WIPF2: variants seen among roughly 807,000 people sequenced by gnomAD.
The protein encoded by WIPF2 is WAS/WASL-interacting protein family member 2.
WIPF2 carries 23 observed loss-of-function variants against 38.8 expected under a neutral mutation model. The observed-to-expected ratio is 0.59, with a 90% CI of 0.43 to 0.84. WIPF2 has a LOEUF of 0.84. WIPF2 is among the 40% of genes least tolerant of loss of function. WIPF2 has a pLI of 0.00. For missense variants in WIPF2, 574 were observed against 580.5 expected (o/e 0.99, Z 0.11); for synonymous variants, 210 against 223.2 (o/e 0.94, Z 0.53).
Position 40,219,394 on chromosome 17 carries a change from G to GCGGCGGCGT in WIPF2, c.-163_-162insGCGTCGGCG. ...GGCGGCGGCGGCGGCGGCGGCGGCG[G>GCGGCGGCGT]CGGCGACGGCGAGAAAGAGCTTGCC... On this transcript the variant is annotated 5_prime_UTR_variant, in exon 1 of 8. Coordinates refer to ENST00000323571, the MANE Select transcript of WIPF2 (RefSeq NM_133264.5). 1 of 416,538 alleles carries GCGGCGGCGT rather than the reference G, an allele frequency of 2.4e-6. No individual in the cohort carries two copies. The highest frequency in any genetic ancestry group is 4.6e-6 in the Non-Finnish European group (1 of 219,738). The allele number at this position is 416,538 out of a possible 1,614,324, so 25.8% of individuals were successfully genotyped here.
chr17:40,258,779 T>TATTA (rs558951574), intron 2 of WIPF2, among the ~76,000 whole-genome samples: 7 of 151,582 alleles, frequency 4.6e-5, no homozygotes, highest in East Asian at 3.9e-4. Flanking sequence ...ACTGATTTGG[T>TATTA]ATTAATTAAT....
chr17:40,276,684 G>A (rs907066134), intron 6 of WIPF2, among the ~76,000 whole-genome samples: 4 of 151,972 alleles, frequency 2.6e-5, no homozygotes, highest in African/African-American at 9.7e-5. Flanking sequence ...GAGGCCAGGT[G>A]GGGAGATTGC....
At chr17:40,261,343 G>C (rs1366409515) in intron 3 of WIPF2, among the ~76,000 whole-genome samples, 1 of 151,982 alleles carries the variant, frequency 6.6e-6, no homozygotes, top group African/African-American at 2.4e-5. Context: ...GCCCAGGCTG[G>C]AGTGCAGTGG....
At chr17:40,233,235 C>T (rs2030823108) in intron 1 of WIPF2, among the ~76,000 whole-genome samples, 1 of 151,942 alleles carries the variant, frequency 6.6e-6, no homozygotes, top group Non-Finnish European at 1.5e-5. Flanking sequence ...CAACGTTGAC[C>T]TTATATTTTG....
chr17:40,255,946 G>T (rs1004419603), intron 1 of WIPF2, among the ~76,000 whole-genome samples: 8 of 151,892 alleles, frequency 5.3e-5, no homozygotes, highest in African/African-American at 1.9e-4. Flanking sequence ...TTTTAAATTA[G>T]CTGGGCGTAA....
At chr17:40,236,230 A>G (rs1220535468) in intron 1 of WIPF2, among the ~76,000 whole-genome samples, 2 of 152,070 alleles carry the variant, frequency 1.3e-5, no homozygotes, top group Non-Finnish European at 2.9e-5. Flanking sequence ...CAGCCTCCCA[A>G]AGTGCTGGGA....
Position 40,273,901 on chromosome 17 carries a change from C to G in WIPF2, c.1082C>G (p.Pro361Arg). 6.3e-7 allele frequency: 1 copy of G among 1,589,970 alleles called. No individual in the cohort carries two copies. Among genetic ancestry groups the G allele is most frequent in the Non-Finnish European group, 8.6e-7 (1 of 1,166,940 alleles). ...CCCCCGAGCCGAGGAAAGCCCCCACCTCCACCCTCAAGGACGCCAGCTGGG... is the reference window on the plus strand; with the variant it reads ...CCCCCGAGCCGAGGAAAGCCCCCACGTCCACCCTCAAGGACGCCAGCTGGG... Reference protein sequence around the residue: ...SEPPSRGKPPPPPSRTPAGPP... With the variant: ...SEPPSRGKPPRPPSRTPAGPP... Residue 361 changes from proline to arginine, a missense_variant, in exon 6 of 8, where the codon CCT (proline) becomes CGT (arginine). Pro to Arg is a moderately radical substitution (Grantham distance 103). Coordinates refer to ENST00000323571, the MANE Select transcript of WIPF2 (RefSeq NM_133264.5).
intron 1 of WIPF2, among the ~76,000 whole-genome samples, chr17:40,223,089 G>C (rs556580266): frequency 3.9e-5 from 6 of 151,968 alleles, no homozygotes; most frequent in Non-Finnish European, 2.9e-5. Flanking sequence ...GGAAGGTGGA[G>C]ATGAATGAAG....
chr17:40,260,889 A>G, intron 3 of WIPF2: 2 of 593,092 alleles, frequency 3.4e-6, no homozygotes, highest in South Asian at 3.5e-5. Flanking sequence ...ATGGTGGCTC[A>G]TGCCTGTAAG....
intron 1 of WIPF2, among the ~76,000 whole-genome samples, chr17:40,222,389 G>A (rs1326188151): frequency 9.9e-5 from 15 of 151,354 alleles, no homozygotes; most frequent in Non-Finnish European, 1.6e-4. Context: ...TGGGCGCGCT[G>A]GCTCATGCCT....
intron 1 of WIPF2, among the ~76,000 whole-genome samples, chr17:40,243,225 C>A (rs372774947): frequency 1.3e-5 from 2 of 152,124 alleles, no homozygotes; most frequent in African/African-American, 4.8e-5. Context: ...TAATCTGGGG[C>A]TGGTCTGATG....
At chr17:40,250,757 G>C (rs924060090) in intron 1 of WIPF2, among the ~76,000 whole-genome samples, 1 of 151,736 alleles carries the variant, frequency 6.6e-6, no homozygotes, top group Non-Finnish European at 1.5e-5. Flanking sequence ...TTTAATCTCA[G>C]GTTTAACCTC....
intron 1 of WIPF2, among the ~76,000 whole-genome samples, chr17:40,255,145 A>T (rs572149167): frequency 6.6e-6 from 1 of 152,234 alleles, no homozygotes; most frequent in East Asian, 1.9e-4. Context: ...GTTATCCAGA[A>T]TATACAAAGA....
At chr17:40,243,359 G>T (rs1437628285) in intron 1 of WIPF2, among the ~76,000 whole-genome samples, 3 of 152,118 alleles carry the variant, frequency 2.0e-5, no homozygotes, top group Non-Finnish European at 4.4e-5. Flanking sequence ...CATTAGTGGG[G>T]AAAGCTGCGT....
intron 5 of WIPF2, among the ~76,000 whole-genome samples, chr17:40,266,345 T>C (rs1172202256): frequency 6.6e-6 from 1 of 150,710 alleles, no homozygotes; most frequent in South Asian, 2.1e-4. Context: ...CTAGTGAGGA[T>C]GGAAGGAGAA....
intron 1 of WIPF2, among the ~76,000 whole-genome samples, chr17:40,234,299 C>A (rs545192049): frequency 6.6e-6 from 1 of 151,546 alleles, no homozygotes; most frequent in African/African-American, 2.4e-5. Flanking sequence ...TCGGGAGGCG[C>A]ATGCCTGTAG....
At chr17:40,271,057 C>G (rs771512020) in intron 5 of WIPF2, among the ~76,000 whole-genome samples, 2 of 152,164 alleles carry the variant, frequency 1.3e-5, no homozygotes, top group African/African-American at 2.4e-5. Context: ...ATTGCAGCCT[C>G]CATCTCCCAG....
At chr17:40,233,317 G>T (rs1053316402) in intron 1 of WIPF2, among the ~76,000 whole-genome samples, 2 of 151,760 alleles carry the variant, frequency 1.3e-5, no homozygotes, top group Non-Finnish European at 2.9e-5. Flanking sequence ...TTTGGTAATT[G>T]TTTTTTGTCA....
chr17:40,247,454 A>G (rs1162008669), intron 1 of WIPF2, among the ~76,000 whole-genome samples: 7 of 150,858 alleles, frequency 4.6e-5, no homozygotes, highest in African/African-American at 1.7e-4. Context: ...CCTGACCTCA[A>G]GTGATCCACC....
Sources: allele counts gnomAD v4.1 joint callset (sites outside exome capture counted in the v4.1 genomes callset), GRCh38; gene constraint gnomAD v4.1.1; transcripts MANE v1.5; gene names NCBI Gene and HGNC (gene_info 2026-07-23, HGNC 2026-07-21).